Variants in TET1 observed in about 807,000 individuals in gnomAD.
TET1 encodes tet methylcytosine dioxygenase 1, also known as methylcytosine dioxygenase TET1.
A neutral mutation model predicts 148.7 loss-of-function variants in TET1; 13 were observed. The observed-to-expected ratio is 0.09, with a 90% confidence interval of 0.06 to 0.14. The LOEUF is 0.14. TET1 is among the 10% of genes least tolerant of loss of function. TET1 has a pLI of 1.00. For missense variants in TET1, 2,182 were observed against 2,553.8 expected (o/e 0.85, Z 3.14); for synonymous variants, 907 against 937.2 (o/e 0.97, Z 0.59).
intron 6 of TET1, among the ~76,000 whole-genome samples, chr10:68,665,840 G>A (rs1364077076): frequency 6.6e-6 from 1 of 152,098 alleles, no homozygotes; most frequent in Non-Finnish European, 1.5e-5. Context: ...CTACTCAAGG[G>A]ATGCCTTGGT....
chr10:68,587,905 G>T (rs1445760530), intron 2 of TET1, among the ~76,000 whole-genome samples: 1 of 152,138 alleles, frequency 6.6e-6, no homozygotes, highest in Non-Finnish European at 1.5e-5. Context: ...TTTTGAGACA[G>T]TCTCACTCTA....
intron 3 of TET1, among the ~76,000 whole-genome samples, chr10:68,606,939 C>T (rs1444728246): frequency 6.6e-6 from 1 of 152,142 alleles, no homozygotes; most frequent in Admixed American, 6.6e-5. Context: ...TTTGTATACC[C>T]AGAAACTGTA....
At position 68,691,667 on chromosome 10, in the gene TET1, T is replaced by G. The variant is rs1388708689; in HGVS notation, c.6264T>G (p.Ala2088=). The G allele has an allele frequency of 6.2e-7, 1 of 1,614,218 alleles. No individual in the cohort carries two copies. The highest frequency in any genetic ancestry group is 8.5e-7 in the Non-Finnish European group (1 of 1,180,040). The part of the protein sequence containing the change: ...MKASEQKDQA[A]NEGPEQSSEV... ...CCTCAGAGCAAAAAGACCAGGCAGC[T>G]AATGAAGGTCCAGAACAGTCCTCTG... Residue 2088 remains alanine (A), a synonymous_variant, in exon 12 of 12, where the codon GCT becomes GCG. Transcript: ENST00000373644. This position sits in a 1 kb window ranked among gnomAD's most constrained non-coding sequence, Gnocchi z 4.4.
intron 9 of TET1, 96 bp from the exon 10 acceptor site, chr10:68,682,740 A>AT (rs2055453529): frequency 1.5e-6 from 2 of 1,375,580 alleles, no homozygotes; most frequent in Non-Finnish European, 2.0e-6. Context: ...AGTGTAATTA[A>AT]TTAGAAACTT....
chr10:68,580,751 C>T (rs1270561524), intron 2 of TET1, among the ~76,000 whole-genome samples: 5 of 140,764 alleles, frequency 3.6e-5, no homozygotes. Flanking sequence ...CATTGCACTC[C>T]AGCCTGGGCA....
At chr10:68,642,662 C>T (rs1185196830) in intron 3 of TET1, among the ~76,000 whole-genome samples, 1 of 151,930 alleles carries the variant, frequency 6.6e-6, no homozygotes, top group African/African-American at 2.4e-5. Context: ...TGGAGTGTAG[C>T]AGCACAATCT....
rs1195029929 is a variant in TET1, at chr10:68,574,231, A to G, written c.1893A>G (p.Pro631=). 6 of 1,612,364 alleles carry G rather than the reference A, an allele frequency of 3.7e-6. 1 individual carries two copies. Among genetic ancestry groups the G allele is most frequent in the South Asian group, 2.2e-5 (2 of 90,992 alleles). ...AATGTGAGGAGCTGAAAAAGAAACC[A>G]TCTGTTGTTGTGCCTCTGGAGGTAA... is the stretch of plus-strand genomic sequence containing the variant. ...KRKCEELKKK[P]SVVVPLEVIK... is the part of the protein sequence containing the mutation. Residue 631 remains proline (P), a synonymous_variant, in exon 2 of 12, where the codon CCA becomes CCG. Transcript: ENST00000373644.
chr10:68,649,032 GT>G (rs555693400), intron 4 of TET1, among the ~76,000 whole-genome samples: 101 of 152,296 alleles, frequency 6.6e-4, no homozygotes, highest in African/African-American at 2.4e-3. Flanking sequence ...GGGAGAAAAA[GT>G]TTCTTGAATT....
rs568405205 is a variant in TET1 at position 68,623,043 on chromosome 10, G to A, written c.1969-21655G>A. Among the ~76,000 whole-genome samples, 4 of 152,190 alleles carry A rather than the reference G, an allele frequency of 2.6e-5. No individual in the cohort carries two copies. In the East Asian group the frequency reaches 5.8e-4, roughly 22 times the overall value. On this transcript the variant is annotated intron_variant, in intron 3 of 11. Transcript: ENST00000373644. The stretch of plus-strand genomic sequence containing the variant: ...CTTAAGGGTTTTACAGAGATCCTTG[G>A]CCAGGTTTCACCTCTGTAAAATTAC...
chr10:68,683,754 A>G (rs2055471828), intron 10 of TET1, among the ~76,000 whole-genome samples: 3 of 152,208 alleles, frequency 2.0e-5, no homozygotes, highest in Non-Finnish European at 2.9e-5. Flanking sequence ...ACTAGTAGGT[A>G]TGAAGTTGAG....
At chr10:68,680,375 C>G (rs1291244331) in intron 8 of TET1, among the ~76,000 whole-genome samples, 2 of 152,230 alleles carry the variant, frequency 1.3e-5, no homozygotes, top group Admixed American at 6.5e-5. Context: ...AGATCTGGCT[C>G]TGTCACCCAG....
intron 7 of TET1, among the ~76,000 whole-genome samples, chr10:68,669,518 G>A (rs192117148): frequency 7.4e-6 from 1 of 135,144 alleles, no homozygotes; most frequent in Non-Finnish European, 1.6e-5. Flanking sequence ...TTTTGGGGGG[G>A]TTTTTTTTTG....
At chr10:68,569,406 C>A (rs1203794969) in intron 1 of TET1, among the ~76,000 whole-genome samples, 2 of 151,950 alleles carry the variant, frequency 1.3e-5, no homozygotes, top group South Asian at 4.2e-4. Flanking sequence ...GATCTCCTGA[C>A]CTCGTGATCC....
chr10:68,632,452 C>T (rs921564991), intron 3 of TET1: 1 of 1,612,254 alleles, frequency 6.2e-7, no homozygotes, highest in African/African-American at 1.3e-5. Flanking sequence ...TGAAAATACT[C>T]CCTGCGCCCG....
intron 2 of TET1, among the ~76,000 whole-genome samples, chr10:68,595,981 TATACACACACAC>T (rs1309145313): frequency 1.2e-4 from 5 of 40,850 alleles, no homozygotes; most frequent in Admixed American, 3.3e-4. Flanking sequence ...CACACACATA[TATACACACACAC>T]ACACACACAC....
chr10:68,593,050 A>C (rs888989047), intron 2 of TET1, among the ~76,000 whole-genome samples: 1 of 151,924 alleles, frequency 6.6e-6, no homozygotes, highest in Non-Finnish European at 1.5e-5. Flanking sequence ...CCTGGCCAAC[A>C]TAGTGAAATC....
At chr10:68,638,819 G>T (rs1163759427) in intron 3 of TET1, among the ~76,000 whole-genome samples, 2 of 147,732 alleles carry the variant, frequency 1.4e-5, no homozygotes, top group Non-Finnish European at 3.0e-5. Context: ...GTGGTGGAGG[G>T]GCTATAGTCA....
chr10:68,622,230 CT>C lies in TET1; in HGVS notation c.1968+21197del, dbSNP rs1440003518. On this transcript the variant is annotated intron_variant, in intron 3 of 11. Coordinates refer to ENST00000373644, the MANE Select transcript of TET1 (RefSeq NM_030625.3). Reference sequence around the variant, plus strand: ...CCTTCCTTCCTTCCTTCCCTCCTTCCTCCCTTCCCTCCCTCCCTCCCTCCTT... The same window carrying C: ...CCTTCCTTCCTTCCTTCCCTCCTTCCCCCTTCCCTCCCTCCCTCCCTCCTT... Among the ~76,000 whole-genome samples, 330 of 79,898 alleles carry C rather than the reference CT, an allele frequency of 4.1e-3. 5 individuals are homozygous for C. The highest frequency in any genetic ancestry group is 5.5e-3 in the Non-Finnish European group (215 of 39,400). The allele number at this position is 79,898 out of a possible 152,430, so 52.4% of individuals were successfully genotyped here.
At chr10:68,598,351 A>T (rs956172510) in intron 2 of TET1, among the ~76,000 whole-genome samples, 3 of 152,238 alleles carry the variant, frequency 2.0e-5, no homozygotes, top group African/African-American at 7.2e-5. Context: ...AGATCGCACC[A>T]TTGCATCTAG....
Sources: allele counts gnomAD v4.1 joint callset (sites outside exome capture counted in the v4.1 genomes callset), GRCh38; gene constraint gnomAD v4.1.1; non-coding constraint Gnocchi (gnomAD v3.1); transcripts MANE v1.5; gene names NCBI Gene and HGNC (gene_info 2026-07-23, HGNC 2026-07-21).